The following GPHN variants were observed in gnomAD, a reference collection of about 807,000 sequenced individuals.
GPHN encodes the protein gephyrin.
GPHN carries 17 observed loss-of-function variants against 95.5 expected under a neutral mutation model. That is an observed-to-expected ratio of 0.18 (90% CI 0.12 to 0.27). The LOEUF is 0.27. Among genes scored for constraint, GPHN ranks in the 10% least tolerant of loss-of-function variants. GPHN has a pLI of 1.00. For missense variants in GPHN, 660 were observed against 978.1 expected (o/e 0.67, Z 4.34); for synonymous variants, 320 against 322.5 (o/e 0.99, Z 0.08).
intron 21 of GPHN, among the ~76,000 whole-genome samples, chr14:67,174,276 T>C (rs2082783004): frequency 2.4e-5 from 2 of 84,292 alleles, no homozygotes; most frequent in Non-Finnish European, 4.3e-5. Flanking sequence ...TTCCCCTCCC[T>C]GTGTCCGTGT....
the GPHN span, among the ~76,000 whole-genome samples, chr14:67,608,887 T>G: frequency 3.3e-5 from 5 of 152,332 alleles, no homozygotes; most frequent in South Asian, 1.0e-3. Flanking sequence ...TTGATTCTCC[T>G]GTTGTTTCTC....
At chr14:67,002,196 C>T (rs2072276826) in intron 9 of GPHN, among the ~76,000 whole-genome samples, 2 of 151,322 alleles carry the variant, frequency 1.3e-5, no homozygotes. Context: ...AATTCTCTCC[C>T]AGAATTGAGG....
the GPHN span, among the ~76,000 whole-genome samples, chr14:67,273,266 CT>C: frequency 3.9e-5 from 6 of 151,938 alleles, no homozygotes; most frequent in African/African-American, 1.2e-4. Context: ...TCGCTCCCCC[CT>C]CCCACCTCCC....
chr14:66,804,378 G>C (rs1375474321), intron 3 of GPHN, among the ~76,000 whole-genome samples: 1 of 152,188 alleles, frequency 6.6e-6, no homozygotes, highest in African/African-American at 2.4e-5. Context: ...ACTTTGGTCA[G>C]ACTTACTTCC....
At position 66,923,908 on chromosome 14, in the gene GPHN, AT is replaced by A. The variant is rs3842330; in HGVS notation, c.730-276del. Among the ~76,000 whole-genome samples the A allele has an allele frequency of 0.045, 6,643 of 149,088 alleles. 188 individuals are homozygous for A. Among genetic ancestry groups the A allele is most frequent in the Middle Eastern group, 0.068 (20 of 292 alleles). ...CTAGTAAGTATTTAAGTTTTGTGTGATTTTTTTTTTATGAAACCAATTGGTG... is the reference window on the plus strand; with the variant it reads ...CTAGTAAGTATTTAAGTTTTGTGTGATTTTTTTTTATGAAACCAATTGGTG... On this transcript the variant is annotated intron_variant, in intron 7 of 22. Coordinates refer to ENST00000478722, the MANE Select transcript of GPHN (RefSeq NM_020806.5).
intron 10 of GPHN, among the ~76,000 whole-genome samples, chr14:67,035,107 G>C (rs2074357745): frequency 6.6e-6 from 1 of 151,844 alleles, no homozygotes; most frequent in African/African-American, 2.4e-5. Context: ...AGGAAAACTG[G>C]AAGATACACA....
At chr14:67,599,877 G>C in the GPHN span, 1 of 616,596 alleles carries the variant, frequency 1.6e-6, no homozygotes, top group Non-Finnish European at 2.8e-6. Context: ...GCGGAATATC[G>C]TCCCCAGAAC....
chr14:66,621,693 A>T (rs1334538675), intron 1 of GPHN, among the ~76,000 whole-genome samples: 2 of 152,180 alleles, frequency 1.3e-5, no homozygotes, highest in African/African-American at 2.4e-5. Flanking sequence ...AAATGCTGGG[A>T]TTACAGGCGT....
chr14:67,512,436 G>T, the GPHN span, among the ~76,000 whole-genome samples: 2 of 152,182 alleles, frequency 1.3e-5, no homozygotes, highest in Non-Finnish European at 1.5e-5. Context: ...GGGAGCTAAG[G>T]CTTTGCCAGG....
the GPHN span, among the ~76,000 whole-genome samples, chr14:67,732,868 A>C: frequency 3.3e-5 from 5 of 152,192 alleles, no homozygotes; most frequent in South Asian, 1.0e-3. Context: ...GGTGTGAGCC[A>C]CCGTGCCCAG....
chr14:67,206,473 G>C, the GPHN span, among the ~76,000 whole-genome samples: 1 of 152,048 alleles, frequency 6.6e-6, no homozygotes, highest in Non-Finnish European at 1.5e-5. Flanking sequence ...TCCAGCCTGG[G>C]CAACAGAGTG....
At chr14:67,285,476 C>T in the GPHN span, among the ~76,000 whole-genome samples, 2 of 151,294 alleles carry the variant, frequency 1.3e-5, no homozygotes, top group African/African-American at 4.9e-5. Context: ...ACACCATTCT[C>T]CTGCCTCAGC....
the GPHN span, among the ~76,000 whole-genome samples, chr14:67,504,223 AG>A: frequency 7.9e-5 from 12 of 151,760 alleles, 1 homozygote; most frequent in Admixed American, 2.0e-4. Flanking sequence ...TGTGTTGGCC[AG>A]GTTGGTCTCG....
chr14:66,517,129 A>C (rs2058278922), intron 1 of GPHN, among the ~76,000 whole-genome samples: 1 of 132,684 alleles, frequency 7.5e-6, no homozygotes, highest in African/African-American at 2.7e-5. Flanking sequence ...TCCATCTCAA[A>C]AAAAAAAAAA....
chr14:67,059,125 T>C, intron 11 of GPHN: 1 of 367,890 alleles, frequency 2.7e-6, no homozygotes, highest in Non-Finnish European at 4.8e-6. Context: ...AGTAGTTAAC[T>C]CTGAGTCTGT....
At position 66,545,602 on chromosome 14, in the gene GPHN, C is replaced by T. The variant is rs368773977; in HGVS notation, c.64+37011C>T. 1.6e-3 allele frequency among the ~76,000 whole-genome samples: 160 copies of T among 99,444 alleles called. 1 individual carries two copies. Among genetic ancestry groups the T allele is most frequent in the Non-Finnish European group, 2.2e-3 (117 of 53,128 alleles). 65.2% of individuals were successfully genotyped at this position (99,444 alleles called of 152,430 possible). A position where few individuals can be genotyped will look rare whatever the true frequency, so the allele number is the denominator to read the frequency against. ...CTCCCGGACGGGGCGGCTGGCCGGG[C>T]GGGGGGCTGACCCCCCCACCTCCCT... On this transcript the variant is annotated intron_variant, in intron 1 of 22. Coordinates refer to ENST00000478722, the MANE Select transcript of GPHN (RefSeq NM_020806.5).
chr14:67,575,077 A>G, the GPHN span, among the ~76,000 whole-genome samples: 4 of 151,304 alleles, frequency 2.6e-5, no homozygotes, highest in East Asian at 5.9e-4. Context: ...CCCTCCCGGC[A>G]CCCTGACAAC....
the GPHN span, among the ~76,000 whole-genome samples, chr14:67,264,927 G>A: frequency 6.6e-6 from 1 of 151,982 alleles, no homozygotes; most frequent in African/African-American, 2.4e-5. Context: ...GAATTGTCAG[G>A]AATCATATTT....
chr14:67,513,235 C>G, the GPHN span, among the ~76,000 whole-genome samples: 6 of 152,128 alleles, frequency 3.9e-5, no homozygotes, highest in East Asian at 1.2e-3. Context: ...TCCTCAGCTC[C>G]GAATAAATAG....
Sources: gnomAD v4.1 joint callset for allele counts (sites outside exome capture counted in the v4.1 genomes callset) on GRCh38, gnomAD v4.1.1 for gene constraint, MANE v1.5 for transcripts, NCBI Gene and HGNC (gene_info 2026-07-23, HGNC 2026-07-21) for gene names.